The following CEMIP2 variants were observed in gnomAD, a reference collection of about 807,000 sequenced individuals.
CEMIP2 encodes the protein cell migration inducing hyaluronidase 2.
CEMIP2 carries 79 observed loss-of-function variants against 146.9 expected under a neutral mutation model. The ratio of observed to expected loss-of-function variants is 0.54; its 90% confidence interval spans 0.45 to 0.65. CEMIP2 has a LOEUF of 0.65. CEMIP2 is among the 30% of genes least tolerant of loss of function. The probability of loss-of-function intolerance (pLI) is 0.00; values close to 1 mark genes in which losing one functional copy is unlikely to be tolerated. For synonymous variants in CEMIP2, 601 were observed against 606.3 expected, an observed-to-expected ratio of 0.99 and a Z score of 0.13; for missense variants, 1,596 against 1,696.2, an observed-to-expected ratio of 0.94 and a Z score of 1.04.
chr9:71,727,197 T>C (rs1282537293), intron 10 of CEMIP2, among the ~76,000 whole-genome samples: 1 of 152,214 alleles, frequency 6.6e-6, no homozygotes, highest in Non-Finnish European at 1.5e-5. Flanking sequence ...CAGCCTCACC[T>C]TCTATTTTTC....
chr9:71,730,946 A>C (rs747829690), intron 7 of CEMIP2, 32 bp from the exon 8 acceptor site: 3 of 1,586,818 alleles, frequency 1.9e-6, no homozygotes, highest in Non-Finnish European at 2.6e-6. Context: ...TCAAACTCAT[A>C]CTTTTCAGAA....
intron 21 of CEMIP2, among the ~76,000 whole-genome samples, chr9:71,691,420 G>GAAAAAAAAAA (rs148544899): frequency 3.1e-5 from 4 of 127,046 alleles, no homozygotes; most frequent in African/African-American, 3.3e-5. Context: ...TCTGTCTCAG[G>GAAAAAAAAAA]AAAAAAAAAA....
intron 1 of CEMIP2, among the ~76,000 whole-genome samples, chr9:71,755,037 A>G (rs1824382578): frequency 6.6e-6 from 1 of 152,180 alleles, no homozygotes; most frequent in South Asian, 2.1e-4. Flanking sequence ...TCTTGGGAAA[A>G]AAAACTGGTG....
intron 5 of CEMIP2, among the ~76,000 whole-genome samples, chr9:71,739,442 C>T (rs62549274): frequency 0.069 from 10,038 of 145,684 alleles, 514 homozygotes; most frequent in South Asian, 0.2. Flanking sequence ...CTAAACTCCA[C>T]TTACAGGACA....
At position 71,711,395 on chromosome 9, in the gene CEMIP2, TAA is replaced by T. The variant is rs34605983; in HGVS notation, c.2769+686_2769+687del. ...CAGGCTAATGAGGCCCTTTCTCTAT[TAA>T]AAAAAAAAAAAAATTTTTTTTAAGT... On this transcript the variant is annotated intron_variant, in intron 16 of 23. Coordinates refer to ENST00000377044, the MANE Select transcript of CEMIP2 (RefSeq NM_013390.3). 2.6e-3 allele frequency among the ~76,000 whole-genome samples: 381 copies of T among 146,272 alleles called. 1 individual carries two copies. The highest frequency in any genetic ancestry group is 9.2e-3 in the African/African-American group (367 of 39,876).
At chr9:71,733,783 A>C (rs1195944328) in intron 6 of CEMIP2, among the ~76,000 whole-genome samples, 1 of 152,148 alleles carries the variant, frequency 6.6e-6, no homozygotes, top group Non-Finnish European at 1.5e-5. Context: ...GCTCAAAATG[A>C]GTGCCCGGTA....
At chr9:71,759,762 C>T (rs1240902185) in intron 1 of CEMIP2, among the ~76,000 whole-genome samples, 4 of 132,120 alleles carry the variant, frequency 3.0e-5, no homozygotes, top group Non-Finnish European at 4.6e-5. Flanking sequence ...CTTCCTGCAA[C>T]GGATAATGAA....
intron 1 of CEMIP2, among the ~76,000 whole-genome samples, chr9:71,756,023 T>C (rs922052288): frequency 4.7e-5 from 7 of 148,720 alleles, no homozygotes; most frequent in African/African-American, 2.5e-5. Flanking sequence ...TTTTGCCTTA[T>C]GTTTCAGTTA....
At chr9:71,735,668 A>G (rs1564017200) in intron 5 of CEMIP2, among the ~76,000 whole-genome samples, 1 of 152,124 alleles carries the variant, frequency 6.6e-6, no homozygotes, top group Admixed American at 6.5e-5. Flanking sequence ...CTACATCCCC[A>G]GCTCCTTGGG....
chr9:71,732,566 A>G, intron 6 of CEMIP2, 46 bp from the exon 7 acceptor site: 2 of 1,501,760 alleles, frequency 1.3e-6, no homozygotes, highest in South Asian at 1.4e-5. Flanking sequence ...GAACAAAGAA[A>G]ACATGAAACT....
intron 12 of CEMIP2, among the ~76,000 whole-genome samples, chr9:71,718,623 C>A (rs948761112): frequency 2.2e-4 from 33 of 151,256 alleles, no homozygotes; most frequent in African/African-American, 7.8e-4. Flanking sequence ...GTCACCCAGG[C>A]TGGAGTGCAG....
Position 71,712,310 on chromosome 9 carries a change from A to G in CEMIP2, c.2592-50T>C, listed in dbSNP as rs2131909991. ...AATGCATATGGGCTGTCCCCTTAGC[A>G]GCACTTCACTTACTTGTTTTATGAA... On this transcript the variant is annotated intron_variant, in intron 15 of 23. Transcript: ENST00000377044. 3 of 1,553,104 alleles carry G rather than the reference A, an allele frequency of 1.9e-6. No homozygotes were observed. The East Asian group carries it at 6.8e-5, about 35-fold the overall frequency.
At chr9:71,734,709 G>T in intron 6 of CEMIP2, 97 bp downstream of exon 6, 1 of 1,048,808 alleles carries the variant, frequency 9.5e-7, no homozygotes, top group Non-Finnish European at 1.4e-6. Context: ...TGGTGGTGGT[G>T]GTAGTGATGG....
intron 1 of CEMIP2, among the ~76,000 whole-genome samples, chr9:71,765,858 A>G (rs1227840110): frequency 6.6e-6 from 1 of 152,050 alleles, no homozygotes; most frequent in East Asian, 1.9e-4. Flanking sequence ...ACCAACATGA[A>G]TGCTCCACAA....
At chr9:71,737,911 C>T (rs1334131656) in intron 5 of CEMIP2, among the ~76,000 whole-genome samples, 1 of 152,136 alleles carries the variant, frequency 6.6e-6, no homozygotes, top group Non-Finnish European at 1.5e-5. Flanking sequence ...TGAGATCCCA[C>T]ATGCATAATA....
At chr9:71,763,285 C>A (rs996272729) in intron 1 of CEMIP2, among the ~76,000 whole-genome samples, 1 of 152,132 alleles carries the variant, frequency 6.6e-6, no homozygotes, top group South Asian at 2.1e-4. Flanking sequence ...CTCCAAAGTG[C>A]ACACCAATAA....
At chr9:71,740,823 A>G (rs1395676500) in intron 4 of CEMIP2, among the ~76,000 whole-genome samples, 1 of 152,170 alleles carries the variant, frequency 6.6e-6, no homozygotes, top group Non-Finnish European at 1.5e-5. Context: ...AGTTAGGCTT[A>G]AAAACCACTG....
chr9:71,686,836 G>C (rs1822075913), intron 22 of CEMIP2: 2 of 152,222 alleles, frequency 1.3e-5, no homozygotes, highest in South Asian at 4.1e-4. Flanking sequence ...TTGTCTATCA[G>C]GGAGTAAGTC....
intron 1 of CEMIP2, among the ~76,000 whole-genome samples, chr9:71,755,484 G>A (rs1824407886): frequency 6.6e-6 from 1 of 151,750 alleles, no homozygotes; most frequent in Non-Finnish European, 1.5e-5. Context: ...GTAGTTCAAG[G>A]TTGCAGTGAG....
Sources: gnomAD v4.1 joint callset for allele counts (sites outside exome capture counted in the v4.1 genomes callset) on GRCh38, gnomAD v4.1.1 for gene constraint, MANE v1.5 for transcripts, NCBI Gene and HGNC (gene_info 2026-07-23, HGNC 2026-07-21) for gene names.